KSR1: variants seen among roughly 807,000 people sequenced by gnomAD.
The protein encoded by KSR1 is kinase suppressor of ras 1, also known as kinase suppressor of ras.
Under a neutral mutation model 92.9 loss-of-function variants are expected in KSR1, and 35 were observed. The ratio of observed to expected loss-of-function variants is 0.38; its 90% CI spans 0.29 to 0.50. The LOEUF is 0.50. Among genes scored for constraint, KSR1 ranks in the 20% least tolerant of loss-of-function variants. The probability of loss-of-function intolerance (pLI) is 0.94; values close to 1 mark genes in which losing one functional copy is unlikely to be tolerated. For synonymous variants in KSR1, 467 were observed against 472.6 expected, an observed-to-expected ratio of 0.99 and a Z score of 0.15; for missense variants, 972 against 1,158.5, an observed-to-expected ratio of 0.84 and a Z score of 2.34.
intron 1 of KSR1, among the ~76,000 whole-genome samples, chr17:27,519,559 G>A (rs1446954990): frequency 6.6e-6 from 1 of 152,180 alleles, no homozygotes; most frequent in Non-Finnish European, 1.5e-5. Flanking sequence ...AGTGGTGATG[G>A]TCAGTCAGTG....
intron 18 of KSR1, among the ~76,000 whole-genome samples, chr17:27,612,027 A>G (rs1385200651): frequency 6.6e-6 from 1 of 152,178 alleles, no homozygotes; most frequent in African/African-American, 2.4e-5. Flanking sequence ...ATCTTTCCTC[A>G]TAATGTTTTT....
chr17:27,496,620 T>A (rs763240543), intron 1 of KSR1, among the ~76,000 whole-genome samples: 33 of 152,162 alleles, frequency 2.2e-4, no homozygotes, highest in Middle Eastern at 3.4e-3. Flanking sequence ...AGGAATTGGG[T>A]TGGGACTGTG....
intron 2 of KSR1, among the ~76,000 whole-genome samples, chr17:27,553,417 C>G (rs1567820754): frequency 2.0e-5 from 3 of 152,170 alleles, no homozygotes; most frequent in Non-Finnish European, 4.4e-5. Context: ...GGAGTCAGCC[C>G]AGAGCTTAGG....
chr17:27,496,810 C>G (rs1355759643), intron 1 of KSR1, among the ~76,000 whole-genome samples: 1 of 152,240 alleles, frequency 6.6e-6, no homozygotes, highest in Non-Finnish European at 1.5e-5. Flanking sequence ...AAGATGGAAA[C>G]TGTCTTGGAG....
intron 1 of KSR1, among the ~76,000 whole-genome samples, chr17:27,543,384 G>GGC (rs755900935): frequency 2.0e-5 from 3 of 152,214 alleles, no homozygotes; most frequent in African/African-American, 4.8e-5. Flanking sequence ...GGCAGGTTGG[G>GGC]GCGCAGTGTA....
At chr17:27,522,112 G>A (rs1276404480) in intron 1 of KSR1, among the ~76,000 whole-genome samples, 2 of 152,298 alleles carry the variant, frequency 1.3e-5, no homozygotes, top group East Asian at 3.9e-4. Flanking sequence ...TTCAATAAAT[G>A]TTGTGGAGTG....
chr17:27,497,559 C>T (rs148934003), intron 1 of KSR1, among the ~76,000 whole-genome samples: 58 of 152,284 alleles, frequency 3.8e-4, no homozygotes, highest in African/African-American at 1.2e-3. Context: ...CGCAGGATCC[C>T]GGCCTTCTGC....
rs376682823 is a variant in KSR1 at position 27,503,981 on chromosome 17, A to G, written c.232-46587A>G. 2.2e-4 allele frequency among the ~76,000 whole-genome samples: 33 copies of G among 152,336 alleles called. 1 individual carries two copies. The East Asian group carries it at 4.8e-3, about 22-fold the overall frequency. On this transcript the variant is annotated intron_variant, in intron 1 of 20. Transcript: ENST00000644974. ...ATCCTGACAGATGTACTCTAAGAAG[A>G]ACAAAACAAGAAGTTGGCATTTGGA...
chr17:27,512,541 A>G (rs544353110), intron 1 of KSR1, among the ~76,000 whole-genome samples: 1 of 152,326 alleles, frequency 6.6e-6, no homozygotes, highest in African/African-American at 2.4e-5. Context: ...CCTGGCCAAC[A>G]TAGTGAAACC....
Position 27,456,622 on chromosome 17 carries a change from G to A in KSR1, c.-22G>A. 1 of 478,952 alleles carries A rather than the reference G, an allele frequency of 2.1e-6. No individual in the cohort carries two copies. Among genetic ancestry groups the A allele is most frequent in the South Asian group, 3.8e-5 (1 of 26,396 alleles). 29.7% of individuals were successfully genotyped at this position (478,952 alleles called of 1,614,324 possible). A position where few individuals can be genotyped will look rare whatever the true frequency, so the allele number is the denominator to read the frequency against. ...GCGCCCCGGGCTCCCAGCCTCGGCC[G>A]CCGCGGCCCCGATGCCGAGGCATGG... On this transcript the variant is annotated 5_prime_UTR_variant, in exon 1 of 21. Coordinates refer to ENST00000644974, the MANE Select transcript of KSR1 (RefSeq NM_001394583.1).
chr17:27,490,625 C>T (rs771637914), intron 1 of KSR1, among the ~76,000 whole-genome samples: 2 of 152,098 alleles, frequency 1.3e-5, no homozygotes, highest in Non-Finnish European at 2.9e-5. Flanking sequence ...TTCTTGTGGT[C>T]CAGGGAGCAG....
In KSR1 at chr17:27,623,085, G is replaced by A. The variant is rs139668775; in HGVS notation, c.2709-229G>A. On this transcript the variant is annotated intron_variant, in intron 20 of 20. Transcript: ENST00000644974. ...GAGCATGCTGGGAGCTTGGGACTTG[G>A]AGATGAATGAGCCACCGTTGCTGCT... 1.9e-4 allele frequency: 112 copies of A among 588,512 alleles called. No individual in the cohort carries two copies. In the East Asian group the frequency reaches 3.1e-3, roughly 16 times the overall value. The allele number at this position is 588,512 out of a possible 1,614,324, so 36.5% of individuals were successfully genotyped here. A position where few individuals can be genotyped will look rare whatever the true frequency, so the allele number is the denominator to read the frequency against.
At chr17:27,531,596 C>T (rs2070541982) in intron 1 of KSR1, among the ~76,000 whole-genome samples, 1 of 152,198 alleles carries the variant, frequency 6.6e-6, no homozygotes, top group African/African-American at 2.4e-5. Flanking sequence ...GAGATGTGTG[C>T]TGTGCTGGAG....
At chr17:27,612,973 A>G (rs1377279354) in intron 18 of KSR1, 1 of 152,260 alleles carries the variant, frequency 6.6e-6, no homozygotes, top group Non-Finnish European at 1.5e-5. Flanking sequence ...GCGTCTTCAG[A>G]AGGCTCACTC....
intron 1 of KSR1, among the ~76,000 whole-genome samples, chr17:27,518,555 A>G (rs2069892700): frequency 6.6e-6 from 1 of 152,082 alleles, no homozygotes; most frequent in Non-Finnish European, 1.5e-5. Context: ...CCCCCTCTCT[A>G]CAAGGCACTG....
intron 1 of KSR1, among the ~76,000 whole-genome samples, chr17:27,482,024 G>A (rs1343625910): frequency 6.6e-6 from 1 of 152,150 alleles, no homozygotes; most frequent in Admixed American, 6.5e-5. Context: ...GCTTCTCTCT[G>A]AATGTTTTTG....
chr17:27,544,508 A>G (rs1392275840), intron 1 of KSR1, among the ~76,000 whole-genome samples: 1 of 152,118 alleles, frequency 6.6e-6, no homozygotes, highest in Non-Finnish European at 1.5e-5. Flanking sequence ...GCACCCACCA[A>G]CTGTTTGTGG....
At chr17:27,504,844 G>T (rs900048638) in intron 1 of KSR1, among the ~76,000 whole-genome samples, 1 of 152,172 alleles carries the variant, frequency 6.6e-6, no homozygotes, top group Non-Finnish European at 1.5e-5. Flanking sequence ...GCCAGGAGCC[G>T]GCTTATCCTG....
At chr17:27,602,528 G>A (rs1389199961) in intron 11 of KSR1, among the ~76,000 whole-genome samples, 2 of 152,234 alleles carry the variant, frequency 1.3e-5, no homozygotes, top group Non-Finnish European at 2.9e-5. Flanking sequence ...TTTTGGAGCA[G>A]AATGCATGAT....
Sources: gnomAD v4.1 joint callset for allele counts (sites outside exome capture counted in the v4.1 genomes callset) on GRCh38, gnomAD v4.1.1 for gene constraint, MANE v1.5 for transcripts, NCBI Gene and HGNC (gene_info 2026-07-23, HGNC 2026-07-21) for gene names.